The following ACSS3 variants were observed in gnomAD, a reference collection of about 807,000 sequenced individuals.
The protein encoded by ACSS3 is acyl-CoA synthetase short chain family member 3.
In ACSS3, 64 loss-of-function variants were observed where a neutral mutation model predicts 84.2. The observed-to-expected ratio is 0.76, with a 90% CI of 0.62 to 0.94. The LOEUF is 0.94. ACSS3 is among the 40% of genes least tolerant of loss of function. ACSS3 has a pLI of 0.00. For missense variants in ACSS3, 815 were observed against 867.6 expected (o/e 0.94, Z 0.76); for synonymous variants, 317 against 310.1 (o/e 1.02, Z -0.23).
intron 1 of ACSS3, among the ~76,000 whole-genome samples, chr12:81,096,326 A>G (rs1379794298): frequency 2.6e-5 from 4 of 152,220 alleles, no homozygotes; most frequent in African/African-American, 9.6e-5. Context: ...TTATTTTAAA[A>G]TAATCATTGA....
Position 81,134,975 on chromosome 12 carries a change from GA to G in ACSS3, c.618del (p.Glu206AspfsTer2). ...SLIFGGFASK[E>X]LSSRIDHVKP... ...CATATTTGGAGGATTTGCTTCCAAA[GA>G]ACTAAGTAGTCGCATTGATCATGTA... On this transcript the variant is annotated frameshift_variant, in exon 3 of 16. Coordinates refer to ENST00000548058, the MANE Select transcript of ACSS3 (RefSeq NM_024560.4). LOFTEE classifies it high-confidence loss of function. The G allele has an allele frequency of 6.2e-7, 1 of 1,604,248 alleles. No individual in the cohort carries two copies. The highest frequency in any genetic ancestry group is 1.3e-5 in the African/African-American group (1 of 74,824).
intron 9 of ACSS3, among the ~76,000 whole-genome samples, chr12:81,201,151 G>A (rs6539563): frequency 0.69 from 104,712 of 152,016 alleles, 36,502 homozygotes; most frequent in Non-Finnish European, 0.76. Flanking sequence ...GAAATACATA[G>A]AAACAAGTGA....
chr12:81,205,349 G>A (rs2032300320), intron 9 of ACSS3, among the ~76,000 whole-genome samples: 1 of 152,036 alleles, frequency 6.6e-6, no homozygotes, highest in Non-Finnish European at 1.5e-5. Flanking sequence ...GACAACTGAG[G>A]CAAGACTTTT....
chr12:81,094,673 C>T (rs759728087), intron 1 of ACSS3: 3 of 151,968 alleles, frequency 2.0e-5, no homozygotes, highest in Non-Finnish European at 4.4e-5. Context: ...CTGGGAGCCT[C>T]GACTGTAGAG....
intron 1 of ACSS3, among the ~76,000 whole-genome samples, chr12:81,107,554 AT>A (rs1883168911): frequency 1.9e-5 from 2 of 104,494 alleles, no homozygotes; most frequent in African/African-American, 6.6e-5. Flanking sequence ...ATATATATAT[AT>A]ATATAAATGT....
At chr12:81,118,999 C>A (rs940167666) in intron 2 of ACSS3, among the ~76,000 whole-genome samples, 4 of 152,092 alleles carry the variant, frequency 2.6e-5, no homozygotes, top group Non-Finnish European at 5.9e-5. Context: ...AACCCACCCC[C>A]GATATTTCGT....
chr12:81,193,830 A>G (rs1179292233), intron 8 of ACSS3, among the ~76,000 whole-genome samples: 1 of 151,952 alleles, frequency 6.6e-6, no homozygotes. Flanking sequence ...TTAAATGGCC[A>G]CATGTGGCTA....
chr12:81,231,126 T>C lies in ACSS3; in HGVS notation c.1584T>C (p.Phe528=), dbSNP rs774487896. ...AGGAAGCATTCAAGCATTTATACTT[T>C]GAAAAATTTCCTGTAAGAACTTTAA... The part of the protein sequence containing the change: ...KNQEAFKHLY[F]EKFPGYYDTM... Residue 528 remains phenylalanine (F), a synonymous_variant, in exon 12 of 16, where the codon TTT becomes TTC. Transcript: ENST00000548058. The C allele has an allele frequency of 1.9e-6, 3 of 1,608,534 alleles. No individual in the cohort carries two copies. Among genetic ancestry groups the C allele is most frequent in the Non-Finnish European group, 2.5e-6 (3 of 1,177,198 alleles).
rs1024742587 is a variant in ACSS3, at chr12:81,260,515, A to G, written c.*5593A>G. ...CAGTATTTTGGGAGACCTCTTATTT[A>G]GCCAAATTATTATATACTTTAAATC... On this transcript the variant is annotated 3_prime_UTR_variant, in exon 16 of 16. Coordinates refer to ENST00000548058, the MANE Select transcript of ACSS3 (RefSeq NM_024560.4). 6 of 152,238 alleles carry G rather than the reference A, an allele frequency of 3.9e-5. No individual in the cohort carries two copies. Among genetic ancestry groups the G allele is most frequent in the Non-Finnish European group, 7.3e-5 (5 of 68,048 alleles). The allele number at this position is 152,238 out of a possible 1,614,324, so 9.4% of individuals were successfully genotyped here.
intron 13 of ACSS3, among the ~76,000 whole-genome samples, chr12:81,241,011 A>G (rs2033783231): frequency 1.0e-5 from 1 of 99,580 alleles, no homozygotes; most frequent in South Asian, 3.8e-4. Context: ...AACAGTCCCC[A>G]TGTGTGATGT....
chr12:81,252,830 T>C (rs1002655672), intron 13 of ACSS3, among the ~76,000 whole-genome samples: 3 of 152,200 alleles, frequency 2.0e-5, no homozygotes, highest in African/African-American at 2.4e-5. Context: ...AGGAATTTCA[T>C]TGTTCACTAA....
At chr12:81,125,890 A>T (rs1885059167) in intron 2 of ACSS3, 1 of 152,230 alleles carries the variant, frequency 6.6e-6, no homozygotes, top group Non-Finnish European at 1.5e-5. Flanking sequence ...TATTTCTCAA[A>T]TAAGCTTATT....
At chr12:81,138,320 CA>C (rs1885916486) in intron 3 of ACSS3, among the ~76,000 whole-genome samples, 2 of 152,094 alleles carry the variant, frequency 1.3e-5, no homozygotes, top group African/African-American at 4.8e-5. Flanking sequence ...ATAGGAAACA[CA>C]AAAATAAATG....
intron 1 of ACSS3, among the ~76,000 whole-genome samples, chr12:81,103,615 G>T (rs1232433557): frequency 6.6e-6 from 1 of 151,966 alleles, no homozygotes; most frequent in Non-Finnish European, 1.5e-5. Flanking sequence ...ATCTCCTGCA[G>T]CAGTTCTGTG....
chr12:81,150,219 G>A (rs1200355867), intron 5 of ACSS3, among the ~76,000 whole-genome samples: 1 of 152,118 alleles, frequency 6.6e-6, no homozygotes, highest in Non-Finnish European at 1.5e-5. Context: ...GGTTCTAAAT[G>A]CAGGGACATG....
intron 7 of ACSS3, among the ~76,000 whole-genome samples, chr12:81,157,544 C>T (rs1886936692): frequency 1.3e-5 from 2 of 152,194 alleles, no homozygotes; most frequent in African/African-American, 4.8e-5. Context: ...CGCGGTGGCT[C>T]ACGCCTGTAA....
intron 9 of ACSS3, among the ~76,000 whole-genome samples, chr12:81,210,293 T>C (rs778214678): frequency 7.9e-5 from 12 of 152,112 alleles, no homozygotes; most frequent in African/African-American, 2.4e-4. Flanking sequence ...TCCTGCCTAT[T>C]AGGGTCTCTC....
intron 1 of ACSS3, among the ~76,000 whole-genome samples, chr12:81,084,944 A>C (rs1288081875): frequency 6.6e-6 from 1 of 152,216 alleles, no homozygotes; most frequent in Non-Finnish European, 1.5e-5. Flanking sequence ...ACATTCCATG[A>C]GGATATTCGA....
At chr12:81,243,985 T>G (rs1439375900) in intron 13 of ACSS3, among the ~76,000 whole-genome samples, 3 of 152,198 alleles carry the variant, frequency 2.0e-5, no homozygotes, top group Non-Finnish European at 2.9e-5. Context: ...TTTCCATGTC[T>G]CCAAATAACT....
Sources: gnomAD v4.1 joint callset for allele counts (sites outside exome capture counted in the v4.1 genomes callset) on GRCh38, gnomAD v4.1.1 for gene constraint, MANE v1.5 for transcripts, NCBI Gene and HGNC (gene_info 2026-07-23, HGNC 2026-07-21) for gene names.